Variants in STK11IP observed in about 807,000 individuals in gnomAD.
STK11IP encodes the protein serine/threonine kinase 11 interacting protein, also known as serine/threonine-protein kinase 11-interacting protein.
A neutral mutation model predicts 131.7 loss-of-function variants in STK11IP; 103 were observed. The observed-to-expected ratio is 0.78, with a 90% confidence interval of 0.67 to 0.92. The LOEUF (loss-of-function observed/expected upper bound fraction) is 0.92. STK11IP is among the 40% of genes least tolerant of loss of function. The pLI, the probability that STK11IP is intolerant of heterozygous loss-of-function variation, is 0.00. For synonymous variants in STK11IP, 557 were observed against 575.6 expected, an observed-to-expected ratio of 0.97 and a Z score of 0.46; for missense variants, 1,315 against 1,385.7, an observed-to-expected ratio of 0.95 and a Z score of 0.81.
intron 17 of STK11IP, 112 bp downstream of exon 17, chr2:219,609,652 G>C: frequency 2.4e-6 from 3 of 1,255,260 alleles, no homozygotes; most frequent in Non-Finnish European, 3.4e-6. Context: ...GGCTAGAGTG[G>C]AGAGCAGTTG....
chr2:219,600,059 GTTTTTTTTTTTT>G (rs57060581), intron 2 of STK11IP, among the ~76,000 whole-genome samples: 1 of 91,714 alleles, frequency 1.1e-5, no homozygotes, highest in Non-Finnish European at 2.1e-5. Flanking sequence ...TTTTGTTTTT[GTTTTTTTTTTTT>G]TTTTTTTTTG....
At chr2:219,604,515 A>G (rs776056214) in intron 7 of STK11IP, among the ~76,000 whole-genome samples, 7 of 152,292 alleles carry the variant, frequency 4.6e-5, no homozygotes, top group African/African-American at 7.2e-5. Flanking sequence ...TTGGTAGTGG[A>G]TGAATTTTGC....
rs1698309526 is a variant in STK11IP at position 219,609,226 on chromosome 2, A to T, written c.1926+13A>T. 1.3e-6 allele frequency: 2 copies of T among 1,588,806 alleles called. No homozygotes were observed. The highest frequency in any genetic ancestry group is 2.3e-5 in the South Asian group (2 of 87,546). On this transcript the variant is annotated intron_variant, in intron 16 of 24. Transcript: ENST00000456909. ...CGCAGCTGTCCAGGTGATGGCGCCC[A>T]GAGTGGGGGCCCAGGAGGCTGTGGG...
intron 16 of STK11IP, 68 bp downstream of exon 16, chr2:219,609,281 A>G: frequency 6.3e-7 from 1 of 1,577,532 alleles, no homozygotes; most frequent in Non-Finnish European, 8.6e-7. Flanking sequence ...AAGTGGCAGC[A>G]GGCCTGAGGG....
At chr2:219,609,239 A>G in intron 16 of STK11IP, 26 bp downstream of exon 16, 1 of 1,579,386 alleles carries the variant, frequency 6.3e-7, no homozygotes, top group East Asian at 2.3e-5. Flanking sequence ...GTGGGGGCCC[A>G]GGAGGCTGTG....
At chr2:219,598,336 T>TA (rs1697867763) in intron 2 of STK11IP, 156 bp downstream of exon 2, 3 of 579,670 alleles carry the variant, frequency 5.2e-6, no homozygotes, top group South Asian at 2.5e-5. Flanking sequence ...TGTTCGCCCT[T>TA]ACAGTGTCCT....
chr2:219,613,810 G>A lies in STK11IP; in HGVS notation c.2596G>A (p.Gly866Ser). 6.2e-7 allele frequency: 1 copy of A among 1,612,378 alleles called. No individual in the cohort carries two copies. Among genetic ancestry groups the A allele is most frequent in the Non-Finnish European group, 8.5e-7 (1 of 1,179,680 alleles). ...GGCTGTTCCCCTGCAGGATCTGAGT[G>A]GCATAGAGCTGGGCCTGGCAGGCCA... ...TLAVPLQDLS[G>S]IELGLAGQSL... The change falls in exon 21 of 25, where the codon GGC becomes AGC. Residue 866 changes from glycine to serine, a missense_variant. Gly to Ser is a moderately conservative substitution (Grantham distance 56, BLOSUM62 0). Coordinates refer to ENST00000456909, the MANE Select transcript of STK11IP (RefSeq NM_052902.4).
chr2:219,606,311 C>T, intron 10 of STK11IP, 21 bp downstream of exon 10: 1 of 1,555,848 alleles, frequency 6.4e-7, no homozygotes, highest in Non-Finnish European at 8.7e-7. Context: ...GTCCTGTGTC[C>T]ACTCTTCTTC....
chr2:219,601,841 T>C, intron 4 of STK11IP, 126 bp downstream of exon 4: 1 of 1,249,886 alleles, frequency 8.0e-7, no homozygotes. Flanking sequence ...TCTGCAGTCA[T>C]GTGATATCCA....
At position 219,606,529 on chromosome 2, in the gene STK11IP, T is replaced by A. The variant is rs1403726728; in HGVS notation, c.987+12T>A. On this transcript the variant is annotated intron_variant, in intron 11 of 24. Transcript: ENST00000456909. ...TGACAGATTTTCAGGTCGGTGTGGT[T>A]GGGGGGCGAGGACTGTTGGGGGAAG... 1 of 1,612,438 alleles carries A rather than the reference T, an allele frequency of 6.2e-7. No homozygotes were observed. The highest frequency in any genetic ancestry group is 2.2e-5 in the East Asian group (1 of 44,848).
At chr2:219,613,269 T>C in intron 20 of STK11IP, 44 bp downstream of exon 20, 1 of 621,622 alleles carries the variant, frequency 1.6e-6, no homozygotes, top group South Asian at 1.7e-5. Context: ...GGAGATGGGG[T>C]GAGTTGGGGG....
At chr2:219,597,953 A>G in intron 1 of STK11IP, 30 bp downstream of exon 1, 1 of 1,610,996 alleles carries the variant, frequency 6.2e-7, no homozygotes, top group Non-Finnish European at 8.5e-7. Context: ...ATGTTCCTCG[A>G]AAGGGCGGCC....
At chr2:219,605,864 T>C (rs1698133583) in intron 8 of STK11IP, 92 bp from the exon 9 acceptor site, 1 of 1,481,004 alleles carries the variant, frequency 6.8e-7, no homozygotes, top group Non-Finnish European at 9.2e-7. Flanking sequence ...CTCTGGCCGG[T>C]CTTTCTGCTG....
intron 19 of STK11IP, 71 bp from the exon 20 acceptor site, chr2:219,613,057 C>T (rs1698443832): frequency 3.1e-6 from 4 of 1,300,630 alleles, no homozygotes; most frequent in Non-Finnish European, 1.1e-6. Context: ...TCACCAGGAA[C>T]TCGGCTTTCA....
chr2:219,608,327 G>C lies in STK11IP; in HGVS notation c.1500G>C (p.Glu500Asp). The change falls in exon 14 of 25, where the codon GAG becomes GAC. Residue 500 changes from glutamate to aspartate, a missense_variant. Transcript: ENST00000456909. ...VRAEPQEEEE[E>D]KEGKEEKEEG... Reference sequence around the variant, plus strand: ...CGGAGCCACAGGAGGAGGAAGAGGAGAAGGAGGGGAAGGAGGAGAAGGAGG... The same window carrying C: ...CGGAGCCACAGGAGGAGGAAGAGGACAAGGAGGGGAAGGAGGAGAAGGAGG... The C allele has an allele frequency of 6.3e-7, 1 of 1,595,280 alleles. No homozygotes were observed. The highest frequency in any genetic ancestry group is 8.5e-7 in the Non-Finnish European group (1 of 1,171,010).
chr2:219,609,396 G>A lies in STK11IP; in HGVS notation c.1960G>A (p.Val654Met). The change falls in exon 17 of 25, where the codon GTG becomes ATG. Residue 654 changes from valine (V) to methionine (M), a missense_variant. Val to Met is a conservative substitution (Grantham distance 21). Transcript: ENST00000456909. ...LLAVLTPVTN[V>M]AREQLGEARD... ...TGCCGTGTTGACCCCAGTCACCAAT[G>A]TGGCTCGGGAACAGCTTGGGGAGGC... 6.2e-7 allele frequency: 1 copy of A among 1,613,732 alleles called. No individual in the cohort carries two copies.
rs753907369 is a variant in STK11IP, at chr2:219,609,534, AAGAC to A, written c.2101_2104del (p.Thr701AsnfsTer138). Reference sequence around the variant, plus strand: ...GGAAGGCTGGAGGCCTCTGTTCCAAAAGACAGGTACAAGTCCTGCCCTTGACCTC... The same window carrying A: ...GGAAGGCTGGAGGCCTCTGTTCCAAAAGGTACAAGTCCTGCCCTTGACCTC... On this transcript the variant is annotated frameshift_variant and splice_region_variant, in exon 17 of 25. Transcript: ENST00000456909. LOFTEE classifies it high-confidence loss of function. 4 of 1,563,582 alleles carry A rather than the reference AAGAC, an allele frequency of 2.6e-6. No individual in the cohort carries two copies. In the South Asian group the frequency reaches 4.7e-5, roughly 18 times the overall value.
chr2:219,614,223 A>G lies in STK11IP; in HGVS notation c.2779A>G (p.Thr927Ala). The change falls in exon 22 of 25, where the codon ACC becomes GCC. Residue 927 changes from threonine (T) to alanine (A), a missense_variant. Coordinates refer to ENST00000456909, the MANE Select transcript of STK11IP (RefSeq NM_052902.4). ...TGTCAGTGCCACAGAGGAGGAGGTC[A>G]CCCCCCAGCACCGGCTCTGGTGAGT... ...NCVSATEEEV[T>A]PQHRLWPLLE... The G allele has an allele frequency of 6.2e-7, 1 of 1,613,178 alleles. No individual in the cohort carries two copies. The highest frequency in any genetic ancestry group is 8.5e-7 in the Non-Finnish European group (1 of 1,179,722).
chr2:219,601,379 C>A lies in STK11IP; in HGVS notation c.206C>A (p.Ser69Tyr). 3 of 1,614,034 alleles carry A rather than the reference C, an allele frequency of 1.9e-6. No homozygotes were observed. Among genetic ancestry groups the A allele is most frequent in the Non-Finnish European group, 2.5e-6 (3 of 1,179,906 alleles). The change falls in exon 3 of 25, where the codon TCC becomes TAC. Residue 69 changes from serine to tyrosine, a missense_variant. By Grantham distance (144) the Ser-to-Tyr change is moderately radical (BLOSUM62 -2). Transcript: ENST00000456909. ...GCTCTGCCCTCCCATCCTGCCGACT[C>A]CCCTGTTATTCTTCAGCTTCAGTTT... is the stretch of plus-strand genomic sequence containing the variant. ...FVALPSHPAD[S>Y]PVILQLQFLF...
Sources: allele counts gnomAD v4.1 joint callset (sites outside exome capture counted in the v4.1 genomes callset), GRCh38; gene constraint gnomAD v4.1.1; transcripts MANE v1.5; gene names NCBI Gene and HGNC (gene_info 2026-07-23, HGNC 2026-07-21).